DLG2: variants seen among roughly 807,000 people sequenced by gnomAD.
The protein encoded by DLG2 is discs large MAGUK scaffold protein 2, also known as disks large homolog 2.
DLG2 carries 45 observed loss-of-function variants against 132.5 expected under a neutral mutation model. That is an observed-to-expected ratio of 0.34 (90% CI 0.27 to 0.44). The LOEUF is 0.44. Ranked by LOEUF, DLG2 falls within the 20% of genes least tolerant of loss-of-function variation. The pLI, the probability that DLG2 is intolerant of heterozygous loss-of-function variation, is 1.00. For synonymous variants in DLG2, 424 were observed against 419.6 expected (o/e 1.01, Z -0.13); for missense variants, 1,045 against 1,196.9 (o/e 0.87, Z 1.87).
intron 6 of DLG2, among the ~76,000 whole-genome samples, chr11:84,746,680 G>A (rs2065407986): frequency 6.6e-6 from 1 of 152,128 alleles, no homozygotes; most frequent in African/African-American, 2.4e-5. Flanking sequence ...GGGAATGAAG[G>A]CTATTTTGAT....
At chr11:84,857,149 T>C (rs932151030) in intron 6 of DLG2, among the ~76,000 whole-genome samples, 1 of 151,228 alleles carries the variant, frequency 6.6e-6, no homozygotes, top group African/African-American at 2.4e-5. Flanking sequence ...CAGGTTACAA[T>C]GAAGTGAAGC....
chr11:84,985,057 A>T (rs1220559032), intron 6 of DLG2, among the ~76,000 whole-genome samples: 4 of 152,170 alleles, frequency 2.6e-5, no homozygotes, highest in African/African-American at 9.6e-5. Context: ...CTACTACACC[A>T]CTAGACAGAT....
intron 3 of DLG2, among the ~76,000 whole-genome samples, chr11:85,496,127 G>C (rs2093663132): frequency 6.6e-6 from 1 of 152,178 alleles, no homozygotes; most frequent in Non-Finnish European, 1.5e-5. Flanking sequence ...CAACTGGTTG[G>C]GGGATTTCCC....
chr11:85,459,209 G>T lies in DLG2; in HGVS notation c.40+139448C>A, dbSNP rs560132715. Among the ~76,000 whole-genome samples the T allele has an allele frequency of 3.3e-5, 5 of 152,260 alleles. No homozygotes were observed. In the East Asian group the frequency reaches 7.7e-4, roughly 24 times the overall value. ...TACCACTGCAGTGGCAGTAGCAGAGGGCCTTTTGGTTGACTTCAGGAGCTC... is the reference window on the plus strand; with the variant it reads ...TACCACTGCAGTGGCAGTAGCAGAGTGCCTTTTGGTTGACTTCAGGAGCTC... On this transcript the variant is annotated intron_variant, in intron 3 of 27. Transcript: ENST00000376104.
intron 11 of DLG2, among the ~76,000 whole-genome samples, chr11:84,001,379 G>A (rs550715837): frequency 1.2e-4 from 18 of 150,202 alleles, no homozygotes; most frequent in East Asian, 3.9e-4. Flanking sequence ...TGATAATAGG[G>A]AATCAATGCA....
At position 84,862,366 on chromosome 11, in the gene DLG2, TTGG is replaced by T. The variant is rs563612078; in HGVS notation, c.357+249292_357+249294del. Reference sequence around the variant, plus strand: ...GAGAAATAGGAATGCTTTTACACTGTTGGTGGGAGTGTAAATTAGTTCAACCGT... The same window carrying T: ...GAGAAATAGGAATGCTTTTACACTGTTGGGAGTGTAAATTAGTTCAACCGT... On this transcript the variant is annotated intron_variant, in intron 6 of 27. Coordinates refer to ENST00000376104, the MANE Select transcript of DLG2 (RefSeq NM_001142699.3). Among the ~76,000 whole-genome samples, 601 of 152,200 alleles carry T rather than the reference TTGG, an allele frequency of 3.9e-3. 2 individuals carry two copies. The highest frequency in any genetic ancestry group is 0.013 in the African/African-American group (542 of 41,542).
chr11:84,887,068 C>G (rs1488886869), intron 6 of DLG2: 2 of 152,090 alleles, frequency 1.3e-5, no homozygotes, highest in African/African-American at 4.8e-5. Flanking sequence ...TATACAGTCA[C>G]TTTTCCTTTT....
At chr11:85,026,160 C>CA (rs1165590572) in intron 6 of DLG2, among the ~76,000 whole-genome samples, 1 of 151,512 alleles carries the variant, frequency 6.6e-6, no homozygotes, top group African/African-American at 2.4e-5. Flanking sequence ...CAAAAGGCAG[C>CA]AAAAAACAAG....
At chr11:85,611,666 A>G (rs1366908216) in intron 2 of DLG2, among the ~76,000 whole-genome samples, 2 of 152,260 alleles carry the variant, frequency 1.3e-5, no homozygotes, top group East Asian at 1.9e-4. Flanking sequence ...TGGGAAAGGG[A>G]AAAAGAATAA....
At position 83,459,616 on chromosome 11, in the gene DLG2, C is replaced by A. The variant is rs1190424957; in HGVS notation, c.*202G>T. The A allele has an allele frequency of 4.2e-6, 2 of 478,058 alleles. No individual in the cohort carries two copies. Among genetic ancestry groups the A allele is most frequent in the East Asian group, 3.4e-5 (1 of 29,400 alleles). The allele number at this position is 478,058 out of a possible 1,614,324, so 29.6% of individuals were successfully genotyped here. A position where few individuals can be genotyped will look rare whatever the true frequency, so the allele number is the denominator to read the frequency against. Reference sequence around the variant, plus strand: ...GAGCAAACCAAAGCCTTCCTTCATACTGCAATGTCTTTTCTGTCCCACCCT... The same window carrying A: ...GAGCAAACCAAAGCCTTCCTTCATAATGCAATGTCTTTTCTGTCCCACCCT... On this transcript the variant is annotated 3_prime_UTR_variant, in exon 28 of 28. Transcript: ENST00000376104.
At chr11:84,916,379 A>AAAAAAAAAAC (rs2092470191) in intron 6 of DLG2, among the ~76,000 whole-genome samples, 1 of 146,664 alleles carries the variant, frequency 6.8e-6, no homozygotes, top group Admixed American at 6.8e-5. Context: ...AAAAAAAAAA[A>AAAAAAAAAAC]GAAGCAGTAA....
intron 11 of DLG2, among the ~76,000 whole-genome samples, chr11:84,014,899 T>A (rs1430807205): frequency 6.6e-6 from 1 of 151,980 alleles, no homozygotes; most frequent in African/African-American, 2.4e-5. Flanking sequence ...ACACAGCATA[T>A]CTCCACCCTC....
chr11:84,597,654 G>C (rs1268258729), intron 6 of DLG2, among the ~76,000 whole-genome samples: 1 of 152,138 alleles, frequency 6.6e-6, no homozygotes, highest in African/African-American at 2.4e-5. Context: ...AGCAGTTAGA[G>C]TTACTAGATG....
intron 7 of DLG2, among the ~76,000 whole-genome samples, chr11:84,443,273 T>C (rs2099022984): frequency 6.6e-6 from 1 of 152,212 alleles, no homozygotes; most frequent in Non-Finnish European, 1.5e-5. Flanking sequence ...TATTTTGTCA[T>C]ATTTGATTCA....
intron 21 of DLG2, among the ~76,000 whole-genome samples, chr11:83,518,467 C>G (rs1021018434): frequency 5.3e-5 from 8 of 152,218 alleles, no homozygotes; most frequent in African/African-American, 1.9e-4. Context: ...TCTTGTGCTT[C>G]CCGGGTGAGG....
chr11:85,113,519 A>G (rs77814401), intron 5 of DLG2, among the ~76,000 whole-genome samples: 1 of 152,050 alleles, frequency 6.6e-6, no homozygotes. Flanking sequence ...AAAATTAACA[A>G]TGATTTTACA....
chr11:83,508,344 C>T (rs7934290), intron 21 of DLG2, among the ~76,000 whole-genome samples: 9 of 149,800 alleles, frequency 6.0e-5, no homozygotes, highest in African/African-American at 2.2e-4. Flanking sequence ...TCACGCCATT[C>T]TTCTGCCTCA....
At chr11:85,547,872 G>C (rs2076428702) in intron 3 of DLG2, among the ~76,000 whole-genome samples, 1 of 152,012 alleles carries the variant, frequency 6.6e-6, no homozygotes, top group Non-Finnish European at 1.5e-5. Context: ...GGTTATTCTA[G>C]TTAGCAATTC....
At chr11:85,474,472 G>A (rs901385886) in intron 3 of DLG2, among the ~76,000 whole-genome samples, 3 of 151,758 alleles carry the variant, frequency 2.0e-5, no homozygotes, top group South Asian at 2.1e-4. Context: ...ATCAAGCAGA[G>A]AAAAAATTGA....
Sources: gnomAD v4.1 joint callset for allele counts (sites outside exome capture counted in the v4.1 genomes callset) on GRCh38, gnomAD v4.1.1 for gene constraint, MANE v1.5 for transcripts, NCBI Gene and HGNC (gene_info 2026-07-23, HGNC 2026-07-21) for gene names.